Variants in AGBL1 observed in about 807,000 individuals in gnomAD.
AGBL1 encodes the protein AGBL carboxypeptidase 1, also known as cytosolic carboxypeptidase 4.
Under a neutral mutation model 118.9 loss-of-function variants are expected in AGBL1, and 130 were observed. The ratio of observed to expected loss-of-function variants is 1.09; its 90% confidence interval spans 0.95 to 1.26. AGBL1 has a LOEUF of 1.26. Among genes scored for constraint, AGBL1 ranks in the 50% most tolerant of loss-of-function variants. The probability of loss-of-function intolerance (pLI) is 0.00; values close to 1 mark genes in which losing one functional copy is unlikely to be tolerated. For synonymous variants in AGBL1, 555 were observed against 478.9 expected, an observed-to-expected ratio of 1.16 and a Z score of -2.08; for missense variants, 1,584 against 1,298.1, an observed-to-expected ratio of 1.22 and a Z score of -3.38.
chr15:86,372,847 T>G (rs2080989266), intron 17 of AGBL1, among the ~76,000 whole-genome samples: 1 of 152,166 alleles, frequency 6.6e-6, no homozygotes, highest in African/African-American at 2.4e-5. Flanking sequence ...TCAAGGTAGT[T>G]ATAGTGAGGA....
chr15:86,221,144 G>A (rs2078274280), intron 5 of AGBL1, among the ~76,000 whole-genome samples: 1 of 152,096 alleles, frequency 6.6e-6, no homozygotes, highest in African/African-American at 2.4e-5. Flanking sequence ...GTTGCAGTGA[G>A]CTGAGATTGT....
At chr15:86,641,441 C>T (rs1226363752) in intron 21 of AGBL1, among the ~76,000 whole-genome samples, 1 of 151,888 alleles carries the variant, frequency 6.6e-6, no homozygotes, top group Non-Finnish European at 1.5e-5. Flanking sequence ...CGGTAGTTAC[C>T]TGGCAGCCCC....
intron 17 of AGBL1, among the ~76,000 whole-genome samples, chr15:86,345,130 T>C (rs1057059114): frequency 1.3e-5 from 2 of 152,120 alleles, no homozygotes; most frequent in African/African-American, 4.8e-5. Context: ...ACACTGCCTC[T>C]ACTGGTCTGC....
intron 5 of AGBL1, among the ~76,000 whole-genome samples, chr15:86,181,434 C>T (rs1040024757): frequency 6.6e-6 from 1 of 151,798 alleles, no homozygotes; most frequent in Non-Finnish European, 1.5e-5. Context: ...TGTATTATAC[C>T]ATTGTATTAA....
chr15:86,939,946 T>C (rs1219992268), intron 23 of AGBL1, among the ~76,000 whole-genome samples: 1 of 151,652 alleles, frequency 6.6e-6, no homozygotes, highest in Non-Finnish European at 1.5e-5. Flanking sequence ...GGTGGAACCA[T>C]TATTGATTCA....
intron 22 of AGBL1, among the ~76,000 whole-genome samples, chr15:86,719,991 A>T (rs987439192): frequency 6.6e-6 from 1 of 152,118 alleles, no homozygotes; most frequent in African/African-American, 2.4e-5. Flanking sequence ...TAGTCACAAA[A>T]TGTTGGGCTG....
At chr15:86,992,190 A>G (rs987762400) in intron 24 of AGBL1, among the ~76,000 whole-genome samples, 4 of 152,030 alleles carry the variant, frequency 2.6e-5, no homozygotes, top group Non-Finnish European at 4.4e-5. Flanking sequence ...ACTCTTTTAA[A>G]CAACCAGATC....
chr15:86,268,600 G>A (rs1252314599), intron 13 of AGBL1, among the ~76,000 whole-genome samples: 1 of 152,164 alleles, frequency 6.6e-6, no homozygotes, highest in Non-Finnish European at 1.5e-5. Context: ...ACCTACTTAT[G>A]GGTAAGGAAT....
chr15:86,396,749 C>A (rs572950720), intron 17 of AGBL1, among the ~76,000 whole-genome samples: 2 of 152,072 alleles, frequency 1.3e-5, no homozygotes, highest in Non-Finnish European at 2.9e-5. Flanking sequence ...TTTTTTATAA[C>A]AACCACATAA....
intron 18 of AGBL1, among the ~76,000 whole-genome samples, chr15:86,404,258 G>T (rs995894565): frequency 6.6e-6 from 1 of 152,090 alleles, no homozygotes; most frequent in African/African-American, 2.4e-5. Flanking sequence ...CTTCCTAGCT[G>T]GGCTTGATCC....
intron 21 of AGBL1, among the ~76,000 whole-genome samples, chr15:86,644,394 G>A (rs981578775): frequency 6.6e-6 from 1 of 152,078 alleles, no homozygotes; most frequent in East Asian, 1.9e-4. Context: ...TTGATTTCAT[G>A]TGTAATATGT....
At chr15:86,610,961 C>G (rs2084646518) in intron 21 of AGBL1, among the ~76,000 whole-genome samples, 1 of 152,148 alleles carries the variant, frequency 6.6e-6, no homozygotes. Flanking sequence ...ATTCTCAGAT[C>G]CACTTCAGAC....
rs1379886068 is a variant in AGBL1, at chr15:86,798,491, ACT to A, written c.3159-108593_3159-108592del. On this transcript the variant is annotated intron_variant, in intron 22 of 22. Transcript: ENST00000614907. ...ATTCTTAGAAATTTGAATTGAGAAG[ACT>A]CTGCTTTCCTTTGTTACTAAGATTG... Among the ~76,000 whole-genome samples, 5 of 151,756 alleles carry A rather than the reference ACT, an allele frequency of 3.3e-5. No individual in the cohort carries two copies. The East Asian group carries it at 7.8e-4, about 24-fold the overall frequency.
At chr15:86,275,156 A>G (rs1567172096) in intron 15 of AGBL1, among the ~76,000 whole-genome samples, 1 of 152,118 alleles carries the variant, frequency 6.6e-6, no homozygotes, top group Non-Finnish European at 1.5e-5. Flanking sequence ...GCTCTGGTCT[A>G]AAGTAATTTT....
At position 86,494,015 on chromosome 15, in the gene AGBL1, G is replaced by A. The variant is rs75255727; in HGVS notation, c.2556-28795G>A. Among the ~76,000 whole-genome samples the A allele has an allele frequency of 5.0e-3, 762 of 151,856 alleles. 7 individuals carry two copies. Among genetic ancestry groups the A allele is most frequent in the African/African-American group, 0.018 (732 of 41,424 alleles). On this transcript the variant is annotated intron_variant, in intron 18 of 22. Coordinates refer to ENST00000614907, the MANE Select transcript of AGBL1 (RefSeq NM_001386094.1). ...TCTCTTTCCCAAACCTCTCCCTTTC[G>A]CAGGCATACTGGTTCTTCCTTCATT... is the stretch of plus-strand genomic sequence containing the variant.
At chr15:86,997,667 T>C (rs1464712818) in intron 24 of AGBL1, among the ~76,000 whole-genome samples, 1 of 152,102 alleles carries the variant, frequency 6.6e-6, no homozygotes, top group Non-Finnish European at 1.5e-5. Context: ...TTTTTGTTTT[T>C]TCCTCATGGG....
intron 19 of AGBL1, among the ~76,000 whole-genome samples, chr15:86,541,729 T>A (rs943546267): frequency 6.6e-6 from 1 of 151,980 alleles, no homozygotes; most frequent in Admixed American, 6.5e-5. Flanking sequence ...AGCTTTCCCC[T>A]GCTGGAAAAT....
chr15:86,778,336 A>G (rs2078287378), intron 22 of AGBL1, among the ~76,000 whole-genome samples: 1 of 152,136 alleles, frequency 6.6e-6, no homozygotes, highest in African/African-American at 2.4e-5. Flanking sequence ...TTATCAGGAG[A>G]CAGGGTTTGA....
chr15:86,086,902 T>C (rs1252695345), intron 1 of AGBL1, among the ~76,000 whole-genome samples: 1 of 152,198 alleles, frequency 6.6e-6, no homozygotes, highest in Admixed American at 6.5e-5. Flanking sequence ...GGGGCTATAA[T>C]GAAATAGTGC....
Sources: gnomAD v4.1 joint callset for allele counts (sites outside exome capture counted in the v4.1 genomes callset) on GRCh38, gnomAD v4.1.1 for gene constraint, MANE v1.5 for transcripts, NCBI Gene and HGNC (gene_info 2026-07-23, HGNC 2026-07-21) for gene names.